WDFY4: variants seen among roughly 807,000 people sequenced by gnomAD.
WDFY4 encodes the protein WD repeat- and FYVE domain-containing protein 4.
In WDFY4, 169 loss-of-function variants were observed where a neutral mutation model predicts 351.9. The observed-to-expected ratio is 0.48, with a 90% CI of 0.42 to 0.55. The LOEUF (loss-of-function observed/expected upper bound fraction) is 0.55. WDFY4 is among the 20% of genes least tolerant of loss of function. The pLI is 0.00. For synonymous variants in WDFY4, 1,622 were observed against 1,574.6 expected (o/e 1.03, Z -0.71); for missense variants, 3,803 against 3,935.6 (o/e 0.97, Z 0.90).
chr10:48,970,403 ACT>A, intron 57 of WDFY4, 114 bp downstream of exon 57: 1 of 1,377,804 alleles, frequency 7.3e-7, no homozygotes, highest in Non-Finnish European at 9.6e-7. Flanking sequence ...ACACACCCTA[ACT>A]CTGCTCACTG....
intron 47 of WDFY4, among the ~76,000 whole-genome samples, chr10:48,931,839 G>A (rs990816985): frequency 2.0e-5 from 3 of 152,210 alleles, no homozygotes; most frequent in Admixed American, 2.0e-4. Context: ...GCTTTCCTTA[G>A]GACTTTGTGC....
chr10:48,862,972 T>G (rs963196087), intron 39 of WDFY4, among the ~76,000 whole-genome samples: 3 of 152,240 alleles, frequency 2.0e-5, no homozygotes, highest in African/African-American at 7.2e-5. Context: ...TGAAATTAGC[T>G]TCTTTCACTT....
intron 11 of WDFY4, 94 bp from the exon 12 acceptor site, chr10:48,742,874 A>G: frequency 8.5e-7 from 1 of 1,182,628 alleles, no homozygotes; most frequent in Non-Finnish European, 1.2e-6. Context: ...TCGTTGAGGG[A>G]AGAGCTAGTG....
chr10:48,830,900 G>A lies in WDFY4; in HGVS notation c.6526+15G>A, dbSNP rs920023665. The stretch of plus-strand genomic sequence containing the variant: ...GCATTACTTAGGTCTCTATCCACTC[G>A]GCTCCAGGGAATGGGAACTCCTGGG... On this transcript the variant is annotated intron_variant, in intron 38 of 61. Transcript: ENST00000325239. The A allele has an allele frequency of 5.0e-5, 77 of 1,545,038 alleles. 1 individual carries two copies. In the East Asian group the frequency reaches 9.1e-4, roughly 18 times the overall value.
intron 53 of WDFY4, among the ~76,000 whole-genome samples, chr10:48,961,354 C>T (rs961817128): frequency 1.3e-5 from 2 of 152,176 alleles, no homozygotes; most frequent in Non-Finnish European, 2.9e-5. Context: ...TGGACCACTA[C>T]ATCTAAGCTG....
intron 25 of WDFY4, among the ~76,000 whole-genome samples, chr10:48,804,356 A>G (rs1027734923): frequency 2.6e-5 from 4 of 152,238 alleles, no homozygotes; most frequent in Non-Finnish European, 5.9e-5. Flanking sequence ...AATAAGCCAC[A>G]GTCTGATAAA....
chr10:48,980,658 C>T (rs533697217), intron 60 of WDFY4, among the ~76,000 whole-genome samples: 5 of 152,258 alleles, frequency 3.3e-5, no homozygotes, highest in Middle Eastern at 3.4e-3. Context: ...TGGTTTCTCC[C>T]ACCTGGACCC....
Position 48,820,431 on chromosome 10 carries a change from C to G in WDFY4, c.5703C>G (p.Leu1901=). 6.4e-7 allele frequency: 1 copy of G among 1,550,774 alleles called. No homozygotes were observed. Among genetic ancestry groups the G allele is most frequent in the South Asian group, 1.2e-5 (1 of 84,028 alleles). Residue 1901 remains leucine (L), a synonymous_variant, in exon 33 of 62, where the codon CTC becomes CTG. Coordinates refer to ENST00000325239, the MANE Select transcript of WDFY4 (RefSeq NM_001394531.1). ...SPKQWLPLEV[L]LEASPDHATS... is the part of the protein sequence containing the mutation. ...AGCAGTGGCTGCCCCTGGAGGTGCT[C>G]CTGGAGGTGGGTTGGAAAAGGTGAC...
chr10:48,921,081 C>T (rs1409501117), intron 47 of WDFY4, among the ~76,000 whole-genome samples: 2 of 151,938 alleles, frequency 1.3e-5, no homozygotes, highest in African/African-American at 2.4e-5. Context: ...TTGGTCTAAT[C>T]AAAATTACAG....
intron 44 of WDFY4, 36 bp downstream of exon 44, chr10:48,890,763 G>A: frequency 6.4e-7 from 1 of 1,550,486 alleles, no homozygotes. Flanking sequence ...ATTCTTCCCT[G>A]AGCCCCATTC....
At chr10:48,830,477 G>A (rs927419847) in intron 37 of WDFY4, among the ~76,000 whole-genome samples, 1 of 152,218 alleles carries the variant, frequency 6.6e-6, no homozygotes, top group Non-Finnish European at 1.5e-5. Context: ...TAAGCAGGTG[G>A]AGGTGGAGAA....
At chr10:48,901,019 T>A (rs2133411542) in intron 46 of WDFY4, among the ~76,000 whole-genome samples, 1 of 152,236 alleles carries the variant, frequency 6.6e-6, no homozygotes, top group Middle Eastern at 3.4e-3. Flanking sequence ...AGATTTGATA[T>A]CCCCTGGCCA....
chr10:48,789,797 T>A (rs2066617509), intron 21 of WDFY4, 77 bp from the exon 22 acceptor site: 1 of 1,399,336 alleles, frequency 7.1e-7, no homozygotes, highest in Non-Finnish European at 9.9e-7. Context: ...CCAGAGGGCC[T>A]GCCCTCCAGG....
intron 13 of WDFY4, among the ~76,000 whole-genome samples, chr10:48,767,047 T>C (rs1335932306): frequency 6.6e-6 from 1 of 152,242 alleles, no homozygotes; most frequent in African/African-American, 2.4e-5. Flanking sequence ...CATCAATTTA[T>C]GACCCATATG....
At chr10:48,745,593 C>T in intron 12 of WDFY4, 1 of 512,568 alleles carries the variant, frequency 2.0e-6, no homozygotes, top group East Asian at 4.9e-5. Context: ...TCTCCACGTT[C>T]TTTTTGGCCT....
intron 51 of WDFY4, among the ~76,000 whole-genome samples, chr10:48,953,025 C>T (rs932828504): frequency 1.3e-5 from 2 of 152,124 alleles, no homozygotes; most frequent in African/African-American, 4.8e-5. Flanking sequence ...TGTTGTCATC[C>T]CACAGTCCTT....
chr10:48,942,673 A>C (rs1275589425), intron 48 of WDFY4, among the ~76,000 whole-genome samples: 1 of 152,232 alleles, frequency 6.6e-6, no homozygotes, highest in Non-Finnish European at 1.5e-5. Context: ...TCCTCTCCCA[A>C]GGGGCAGGTT....
intron 39 of WDFY4, among the ~76,000 whole-genome samples, chr10:48,843,195 C>A (rs1295113696): frequency 6.6e-6 from 1 of 152,138 alleles, no homozygotes; most frequent in African/African-American, 2.4e-5. Context: ...AAAGATTAAC[C>A]AGATCTCACC....
chr10:48,790,582 C>G lies in WDFY4; in HGVS notation c.4067-145C>G, dbSNP rs2066644536. Reference sequence around the variant, plus strand: ...CTTTCAGAACCTCCTGCTCTTCCCCCCAGCCTGTCCCAGGTGCACAGGTCC... The same window carrying G: ...CTTTCAGAACCTCCTGCTCTTCCCCGCAGCCTGTCCCAGGTGCACAGGTCC... On this transcript the variant is annotated intron_variant, in intron 22 of 61. Transcript: ENST00000325239. 7 of 881,726 alleles carry G rather than the reference C, an allele frequency of 7.9e-6. No homozygotes were observed. The South Asian group carries it at 8.7e-5, about 11-fold the overall frequency. 54.6% of individuals were successfully genotyped at this position (881,726 alleles called of 1,614,324 possible).
Sources: allele counts gnomAD v4.1 joint callset (sites outside exome capture counted in the v4.1 genomes callset), GRCh38; gene constraint gnomAD v4.1.1; transcripts MANE v1.5; gene names NCBI Gene and HGNC (gene_info 2026-07-23, HGNC 2026-07-21).